Variants in CACNA1C observed in about 807,000 individuals in gnomAD.
CACNA1C encodes calcium voltage-gated channel subunit alpha1 C.
A neutral mutation model predicts 229.0 loss-of-function variants in CACNA1C; 30 were observed. The observed-to-expected ratio is 0.13, with a 90% CI of 0.10 to 0.18. The LOEUF (loss-of-function observed/expected upper bound fraction) is 0.18. CACNA1C is among the 10% of genes least tolerant of loss of function. CACNA1C has a pLI of 1.00. For missense variants in CACNA1C, 1,658 were observed against 2,845.0 expected (o/e 0.58, Z 9.49); for synonymous variants, 1,114 against 1,132.5 (o/e 0.98, Z 0.33).
At chr12:2,406,848 C>T (rs1413900365) in intron 3 of CACNA1C, among the ~76,000 whole-genome samples, 12 of 152,222 alleles carry the variant, frequency 7.9e-5, no homozygotes, top group African/African-American at 1.7e-4. Flanking sequence ...CAATTGGAAC[C>T]TGGATGTTCT....
intron 1 of CACNA1C, among the ~76,000 whole-genome samples, chr12:2,070,902 T>TCTCTCTCTCCTTCCTTCC (rs1350904615): frequency 6.7e-6 from 1 of 149,908 alleles, no homozygotes; most frequent in African/African-American, 2.5e-5. Flanking sequence ...CTTCCTTCCT[T>TCTCTCTCTCCTTCCTTCC]TTCTCTCTCC....
At chr12:2,027,965 T>C (rs1362818851) in intron 1 of CACNA1C, among the ~76,000 whole-genome samples, 1 of 152,200 alleles carries the variant, frequency 6.6e-6, no homozygotes, top group East Asian at 1.9e-4. Flanking sequence ...GGGCTGTGTT[T>C]AGGTTTTGGA....
At chr12:2,515,223 T>C (rs2099794034) in intron 9 of CACNA1C, among the ~76,000 whole-genome samples, 1 of 152,118 alleles carries the variant, frequency 6.6e-6, no homozygotes, top group South Asian at 2.1e-4. Flanking sequence ...GAGAGTAAGA[T>C]AGACACATGC....
intron 26 of CACNA1C, 122 bp downstream of exon 26, chr12:2,607,252 C>A: frequency 1.0e-6 from 1 of 957,270 alleles, no homozygotes; most frequent in Non-Finnish European, 1.5e-6. Flanking sequence ...TTACCTGGGT[C>A]CTCCCCAGGC....
rs371822657 is a variant in CACNA1C, at chr12:2,605,200, G to C, written c.3048+32G>C. 8.1e-6 allele frequency: 12 copies of C among 1,474,298 alleles called. No homozygotes were observed. The highest frequency in any genetic ancestry group is 1.1e-5 in the Non-Finnish European group (12 of 1,053,076). The allele number at this position is 1,474,298 out of a possible 1,614,324, so 91.3% of individuals were successfully genotyped here. A position where few individuals can be genotyped will look rare whatever the true frequency, so the allele number is the denominator to read the frequency against. ...TGAGGGCTTGGGTAGGGAGTCTCCAGCCAGCCCATTGGGGAGTGGGAGCTC... is the reference window on the plus strand; with the variant it reads ...TGAGGGCTTGGGTAGGGAGTCTCCACCCAGCCCATTGGGGAGTGGGAGCTC... On this transcript the variant is annotated intron_variant, in intron 23 of 46. Coordinates refer to ENST00000399655, the MANE Select transcript of CACNA1C (RefSeq NM_000719.7). This position sits in a 1 kb window ranked among gnomAD's most constrained non-coding sequence, Gnocchi z 6.2.
At chr12:2,130,193 CTT>C (rs35630466) in intron 3 of CACNA1C, among the ~76,000 whole-genome samples, 6,668 of 114,178 alleles carry the variant, frequency 0.058, 479 homozygotes, top group African/African-American at 0.18. Flanking sequence ...TGAGACCTTT[CTT>C]TTTTTTTTTT....
chr12:1,971,263 C>A lies in CACNA1C; in HGVS notation c.139+62C>A, dbSNP rs1388532757. On this transcript the variant is annotated intron_variant, in intron 1 of 46. Coordinates refer to the CACNA1C transcript ENST00000682462. The surrounding 1 kb of genome is among the most constrained non-coding windows in gnomAD (Gnocchi z 4.2). ...ACATGTTGAAATTTACTCTAAATAT[C>A]CTAATGATACCTAGAATGTGACTTC... is the stretch of plus-strand genomic sequence containing the variant. The A allele has an allele frequency of 1.2e-6, 1 of 835,458 alleles. No homozygotes were observed. Among genetic ancestry groups the A allele is most frequent in the Non-Finnish European group, 1.7e-6 (1 of 584,938 alleles). 51.8% of individuals were successfully genotyped at this position (835,458 alleles called of 1,614,324 possible). A position where few individuals can be genotyped will look rare whatever the true frequency, so the allele number is the denominator to read the frequency against.
At chr12:2,394,951 T>C (rs1282021766) in intron 3 of CACNA1C, among the ~76,000 whole-genome samples, 1 of 152,214 alleles carries the variant, frequency 6.6e-6, no homozygotes, top group Non-Finnish European at 1.5e-5. Flanking sequence ...CTTGTCTAAG[T>C]TTTTGTTTAT....
chr12:2,020,380 T>A (rs1391752215), intron 1 of CACNA1C: 4 of 152,216 alleles, frequency 2.6e-5, no homozygotes, highest in African/African-American at 4.8e-5. Context: ...TTTGGATGCC[T>A]AGGGCTGTTT....
intron 5 of CACNA1C, among the ~76,000 whole-genome samples, chr12:2,473,098 A>G (rs2099601556): frequency 6.6e-6 from 1 of 152,160 alleles, no homozygotes; most frequent in Non-Finnish European, 1.5e-5. Flanking sequence ...TCTCTCCACA[A>G]TTTCAGGGCC....
At chr12:2,526,830 C>G (rs2099819270) in intron 9 of CACNA1C, among the ~76,000 whole-genome samples, 1 of 152,204 alleles carries the variant, frequency 6.6e-6, no homozygotes, top group Non-Finnish European at 1.5e-5. Flanking sequence ...CATAAAAATA[C>G]ACGTCCATTG....
At chr12:2,229,419 A>G (rs972339340) in intron 3 of CACNA1C, among the ~76,000 whole-genome samples, 3 of 152,188 alleles carry the variant, frequency 2.0e-5, no homozygotes, top group Admixed American at 1.3e-4. Flanking sequence ...TCATTCATCA[A>G]ATATTTATCG....
Position 2,053,634 on chromosome 12 carries a change from C to T in CACNA1C, c.49+23C>T, listed in dbSNP as rs1412973298. 6 of 1,565,230 alleles carry T rather than the reference C, an allele frequency of 3.8e-6. No homozygotes were observed. The highest frequency in any genetic ancestry group is 5.2e-6 in the Non-Finnish European group (6 of 1,155,692). On this transcript the variant is annotated intron_variant, in intron 1 of 46. Transcript: ENST00000399655. This position sits in a 1 kb window ranked among gnomAD's most constrained non-coding sequence, Gnocchi z 5.8. ...AAGGTAAGGCTGGACCCCGCCGCCT[C>T]GCCGGGGCTCCCTGCCTTTTCCACC...
intron 43 of CACNA1C, among the ~76,000 whole-genome samples, chr12:2,684,563 G>C (rs1353193689): frequency 2.0e-5 from 3 of 152,132 alleles, no homozygotes; most frequent in African/African-American, 7.2e-5. Context: ...CATCCTCAAG[G>C]AAATTCCACA....
chr12:2,149,376 T>A (rs563029915), intron 3 of CACNA1C, among the ~76,000 whole-genome samples: 15 of 152,266 alleles, frequency 9.9e-5, no homozygotes, highest in Admixed American at 8.5e-4. Flanking sequence ...AATGTCACGG[T>A]CTTTTCTGGA....
intron 3 of CACNA1C, among the ~76,000 whole-genome samples, chr12:2,301,921 T>G (rs935637636): frequency 1.3e-5 from 2 of 152,242 alleles, no homozygotes; most frequent in Non-Finnish European, 2.9e-5. Context: ...GGGCAGGCTT[T>G]GCAATTGAAT....
chr12:2,148,260 T>C (rs2094906257), intron 3 of CACNA1C, among the ~76,000 whole-genome samples: 1 of 151,300 alleles, frequency 6.6e-6, no homozygotes. Context: ...GGAAACTTTG[T>C]CTCTGTCTTT....
chr12:2,095,978 C>T (rs2073770267), intron 1 of CACNA1C, among the ~76,000 whole-genome samples: 1 of 152,170 alleles, frequency 6.6e-6, no homozygotes, highest in South Asian at 2.1e-4. Flanking sequence ...TCAGCAAACA[C>T]TTCTTTTCAT....
chr12:2,541,098 G>A (rs11062267), intron 9 of CACNA1C, among the ~76,000 whole-genome samples: 95,963 of 151,860 alleles, frequency 0.63, 32,236 homozygotes, highest in Non-Finnish European at 0.74. Flanking sequence ...ATAAGGATCC[G>A]GTCACACTGG....
Sources: gnomAD v4.1 joint callset for allele counts (sites outside exome capture counted in the v4.1 genomes callset) on GRCh38, gnomAD v4.1.1 for gene constraint, Gnocchi (gnomAD v3.1) non-coding constraint, MANE v1.5 for transcripts, NCBI Gene and HGNC (gene_info 2026-07-23, HGNC 2026-07-21) for gene names.